The following NPIPB2 variants were observed in gnomAD, a reference collection of about 807,000 sequenced individuals.
NPIPB2 encodes the protein nuclear pore complex-interacting protein family member B2.
A neutral mutation model predicts 30.8 loss-of-function variants in NPIPB2; 27 were observed. The observed-to-expected ratio is 0.88, with a 90% CI of 0.65 to 1.21. NPIPB2 has a LOEUF of 1.21. Ranked by LOEUF, NPIPB2 falls within the 50% of genes most tolerant of loss-of-function variation. The pLI, the probability that NPIPB2 is intolerant of heterozygous loss-of-function variation, is 0.00. For missense variants in NPIPB2, 440 were observed against 446.2 expected (o/e 0.99, Z 0.13); for synonymous variants, 147 against 162.0 (o/e 0.91, Z 0.70).
chr16:11,970,506 C>T (rs1476772073), intron 1 of NPIPB2, among the ~76,000 whole-genome samples: 2 of 151,598 alleles, frequency 1.3e-5, no homozygotes, highest in African/African-American at 4.8e-5. Flanking sequence ...GGCCACTGCA[C>T]CTGGCCTTCC....
rs767307475 is a variant in NPIPB2 at position 11,927,452 on chromosome 16, GCGGCCC to G, written c.1109_1114del (p.Arg370_Ala372delinsThr). 3.1e-5 allele frequency: 34 copies of G among 1,101,776 alleles called. No homozygotes were observed. In the African/African-American group the frequency reaches 8.0e-4, roughly 26 times the overall value. The allele number at this position is 1,101,776 out of a possible 1,614,324, so 68.2% of individuals were successfully genotyped here. On this transcript the variant is annotated inframe_deletion, in exon 8 of 8. Transcript: ENST00000399147. ...CTCGGGTGATGATGGTTCCACCTCA[GCGGCCC>G]TCCGCCTCTTGGGTTCGGGTGGTGA...
chr16:11,959,902 A>C (rs982721487), intron 1 of NPIPB2, among the ~76,000 whole-genome samples: 4 of 152,034 alleles, frequency 2.6e-5, no homozygotes, highest in African/African-American at 4.8e-5. Flanking sequence ...CAGCCTCCTG[A>C]GCAGCTGGGA....
chr16:11,933,463 A>G, intron 4 of NPIPB2, 54 bp downstream of exon 4: 3 of 1,594,584 alleles, frequency 1.9e-6, no homozygotes, highest in Admixed American at 1.7e-5. Flanking sequence ...ACAGTTGTCT[A>G]CTTTGATTGG....
intron 1 of NPIPB2, among the ~76,000 whole-genome samples, chr16:11,969,130 G>A (rs1049529766): frequency 3.3e-5 from 5 of 152,124 alleles, no homozygotes; most frequent in Non-Finnish European, 7.3e-5. Context: ...GCCTCCCAAA[G>A]TGTTGGGATT....
At chr16:11,932,411 G>A (rs370368565) in intron 4 of NPIPB2, among the ~76,000 whole-genome samples, 4 of 150,770 alleles carry the variant, frequency 2.7e-5, no homozygotes, top group South Asian at 2.1e-4. Flanking sequence ...GGAGGCTGAG[G>A]TAGGCAGATC....
chr16:11,967,961 C>T lies in NPIPB2; in HGVS notation c.-584+8607G>A, dbSNP rs1025184158. ...TCAGTTGCCGATACAGCTTTTTGTC[C>T]TCTAACTGTGGAAACTCTTTATGTT... On this transcript the variant is annotated intron_variant, in intron 1 of 5. Transcript: ENST00000538896. 38 of 1,218,562 alleles carry T rather than the reference C, an allele frequency of 3.1e-5. No individual in the cohort carries two copies. The Admixed American group carries it at 5.9e-4, about 19-fold the overall frequency. The allele number at this position is 1,218,562 out of a possible 1,614,324, so 75.5% of individuals were successfully genotyped here. A position where few individuals can be genotyped will look rare whatever the true frequency, so the allele number is the denominator to read the frequency against.
At chr16:11,934,026 T>A in intron 2 of NPIPB2, 102 bp from the exon 3 acceptor site, 1 of 788,562 alleles carries the variant, frequency 1.3e-6, no homozygotes, top group East Asian at 2.7e-5. Context: ...GGGTCAGGAG[T>A]TCAAGACCAG....
At chr16:11,946,969 G>T (rs946462378), upstream of NPIPB2, among the ~76,000 whole-genome samples, 11 of 150,008 alleles carry the variant, frequency 7.3e-5, no homozygotes, top group African/African-American at 2.7e-4. Flanking sequence ...TGATCCACCT[G>T]CCTCAATCTC....
Position 11,955,388 on chromosome 16 carries a change from T to A in NPIPB2, c.-583-13274A>T, listed in dbSNP as rs910031137. On this transcript the variant is annotated intron_variant, in intron 1 of 5. Transcript: ENST00000538896. ...AAAAAAAAAAAAAAGGTTTCGGGATTTAGAGAGAGACTATCTTTGGATAAG... is the reference window on the plus strand; with the variant it reads ...AAAAAAAAAAAAAAGGTTTCGGGATATAGAGAGAGACTATCTTTGGATAAG... Among the ~76,000 whole-genome samples, 3 of 148,654 alleles carry A rather than the reference T, an allele frequency of 2.0e-5. No homozygotes were observed. The Admixed American group carries it at 2.0e-4, about 10-fold the overall frequency.
chr16:11,955,353 CAAAAAAAAAAAA>C (rs34066078), intron 1 of NPIPB2, among the ~76,000 whole-genome samples: 1 of 46,640 alleles, frequency 2.1e-5, no homozygotes, highest in African/African-American at 7.4e-5. Flanking sequence ...AACTCTGTGT[CAAAAAAAAAAAA>C]AAAAAAAAAA....
upstream of NPIPB2, chr16:11,942,140 A>T: frequency 6.5e-7 from 1 of 1,531,970 alleles, no homozygotes; most frequent in Non-Finnish European, 8.7e-7. Context: ...AAATGTACGT[A>T]CATTCATTTT....
chr16:11,937,611 A>G (rs751672689), exon 2 of NPIPB2: 3 of 1,599,414 alleles, frequency 1.9e-6, no homozygotes, highest in Admixed American at 1.7e-5. Context: ...ATACGTAACC[A>G]AGGACTTCCA....
intron 1 of NPIPB2, among the ~76,000 whole-genome samples, chr16:11,964,514 A>G (rs1329934696): frequency 6.6e-6 from 1 of 151,994 alleles, no homozygotes; most frequent in African/African-American, 2.4e-5. Context: ...CCTGGGTTCA[A>G]GCACGTCTCC....
intron 1 of NPIPB2, 190 bp downstream of exon 1, chr16:11,941,793 C>T: frequency 4.7e-6 from 6 of 1,286,920 alleles, no homozygotes; most frequent in Admixed American, 3.9e-5. Context: ...TCTCAGTCTC[C>T]CACTCTCCTC....
At chr16:11,960,649 C>T (rs992571029) in intron 1 of NPIPB2, among the ~76,000 whole-genome samples, 1 of 151,920 alleles carries the variant, frequency 6.6e-6, no homozygotes, top group Non-Finnish European at 1.5e-5. Flanking sequence ...TGAGCCATGG[C>T]GCCTGGCCTC....
chr16:11,941,567 G>C (rs1382652148), intron 1 of NPIPB2, among the ~76,000 whole-genome samples: 3 of 150,558 alleles, frequency 2.0e-5, no homozygotes, highest in Non-Finnish European at 1.5e-5. Flanking sequence ...CAGGACACGC[G>C]GGGCAAGGGA....
intron 5 of NPIPB2, 132 bp downstream of exon 5, chr16:11,930,318 C>G: frequency 1.2e-6 from 1 of 865,100 alleles, no homozygotes. Context: ...AACTCTCTCT[C>G]TCTCTCACGA....
intron 1 of NPIPB2, chr16:11,941,302 G>A (rs1359660911): frequency 4.5e-5 from 60 of 1,333,356 alleles, no homozygotes; most frequent in Non-Finnish European, 5.7e-5. Flanking sequence ...GTGGCTTAGG[G>A]CAGGGGGAGG....
intron 1 of NPIPB2, among the ~76,000 whole-genome samples, chr16:11,961,778 TAAA>T (rs760800876): frequency 4.8e-5 from 6 of 125,570 alleles, no homozygotes; most frequent in Admixed American, 8.2e-5. Context: ...AGACCCTGTT[TAAA>T]AAAAAAAAAA....
Sources: allele counts gnomAD v4.1 joint callset (sites outside exome capture counted in the v4.1 genomes callset), GRCh38; gene constraint gnomAD v4.1.1; transcripts MANE v1.5; gene names NCBI Gene and HGNC (gene_info 2026-07-23, HGNC 2026-07-21).